CACNA1H: variants seen among roughly 807,000 people sequenced by gnomAD.
CACNA1H encodes voltage-dependent T-type calcium channel subunit alpha-1H.
CACNA1H carries 149 observed loss-of-function variants against 192.5 expected under a neutral mutation model. The ratio of observed to expected loss-of-function variants is 0.77; its 90% CI spans 0.68 to 0.89. CACNA1H has a LOEUF of 0.89. Among genes scored for constraint, CACNA1H ranks in the 40% least tolerant of loss-of-function variants. The pLI is 0.00. For missense variants in CACNA1H, 4,257 were observed against 3,423.5 expected (o/e 1.24, Z -6.08); for synonymous variants, 2,202 against 1,475.2 (o/e 1.49, Z -11.29).
chr16:1,193,653 C>T (rs181139062), intron 2 of CACNA1H, among the ~76,000 whole-genome samples: 66 of 152,318 alleles, frequency 4.3e-4, no homozygotes, highest in African/African-American at 5.8e-4. Context: ...ACAGCAGAGG[C>T]GCCTGTTACC....
chr16:1,209,943 TG>T, intron 17 of CACNA1H, 91 bp from the exon 18 acceptor site: 1 of 917,382 alleles, frequency 1.1e-6, no homozygotes, highest in Non-Finnish European at 1.7e-6. Flanking sequence ...GAGAAGGTGC[TG>T]GGAGGGGTGG....
At chr16:1,195,360 GC>G in intron 3 of CACNA1H, 71 bp from the exon 4 acceptor site, 1 of 1,538,614 alleles carries the variant, frequency 6.5e-7, no homozygotes. Flanking sequence ...CCGGGCTCTT[GC>G]GGGGCTGGGG....
chr16:1,153,935 G>A lies in CACNA1H; in HGVS notation c.198G>A (p.Glu66=), dbSNP rs1961918055. 2.7e-6 allele frequency: 4 copies of A among 1,456,512 alleles called. No homozygotes were observed. The highest frequency in any genetic ancestry group is 1.5e-5 in the African/African-American group (1 of 67,904). The allele number at this position is 1,456,512 out of a possible 1,614,324, so 90.2% of individuals were successfully genotyped here. Residue 66 remains glutamate, a synonymous_variant, in exon 2 of 35, where the codon GAG becomes GAA. Transcript: ENST00000348261. ...AERGAELGAD[E]EQRVPYPALA... The stretch of plus-strand genomic sequence containing the variant: ...GCGGCGCGGAGCTGGGTGCCGACGA[G>A]GAGCAGCGCGTCCCGTACCCGGCCT...
At position 1,167,914 on chromosome 16, in the gene CACNA1H, G is replaced by A. The variant is rs984126729; in HGVS notation, c.299+13878G>A. ...CTCAGTAAGCACTCGCCCCACCAGT[G>A]CGTGGAGCACGTGGGGCCTCAGGAG... On this transcript the variant is annotated intron_variant, in intron 2 of 34. Transcript: ENST00000348261. The surrounding 1 kb of genome is among the most constrained non-coding windows in gnomAD (Gnocchi z 4.2). 6.6e-6 allele frequency among the ~76,000 whole-genome samples: 1 copy of A among 152,226 alleles called. No individual in the cohort carries two copies. The highest frequency in any genetic ancestry group is 2.4e-5 in the African/African-American group (1 of 41,462).
chr16:1,181,171 G>C (rs199662130), intron 2 of CACNA1H, among the ~76,000 whole-genome samples: 1 of 152,248 alleles, frequency 6.6e-6, no homozygotes, highest in Non-Finnish European at 1.5e-5. Flanking sequence ...CCTCCTGGCT[G>C]GGTTTCTGCT....
Position 1,203,946 on chromosome 16 carries a change from G to A in CACNA1H, c.2003-64G>A, listed in dbSNP as rs536015309. ...CACCCCACCGCTCCTGTGTGTGAGG[G>A]TTCCCGGGCCCTTGTGGCAGCACCA... On this transcript the variant is annotated intron_variant, in intron 9 of 34. Coordinates refer to ENST00000348261, the MANE Select transcript of CACNA1H (RefSeq NM_021098.3). The A allele has an allele frequency of 7.1e-6, 9 of 1,276,444 alleles. No individual in the cohort carries two copies. In the African/African-American group the frequency reaches 1.2e-4, roughly 17 times the overall value. The allele number at this position is 1,276,444 out of a possible 1,614,324, so 79.1% of individuals were successfully genotyped here. A position where few individuals can be genotyped will look rare whatever the true frequency, so the allele number is the denominator to read the frequency against.
At chr16:1,202,504 G>C in intron 9 of CACNA1H, 52 bp downstream of exon 9, 1 of 1,419,448 alleles carries the variant, frequency 7.0e-7, no homozygotes, top group Non-Finnish European at 9.3e-7. Flanking sequence ...TAGGCAGGGC[G>C]GGCAGGGTCT....
chr16:1,164,898 C>G (rs1014237129), intron 2 of CACNA1H, among the ~76,000 whole-genome samples: 1 of 152,078 alleles, frequency 6.6e-6, no homozygotes, highest in African/African-American at 2.4e-5. Context: ...GGGGGTGGGT[C>G]GAGTCGCCCC....
At chr16:1,197,400 C>G (rs780863438) in intron 5 of CACNA1H, among the ~76,000 whole-genome samples, 1 of 152,212 alleles carries the variant, frequency 6.6e-6, no homozygotes, top group Admixed American at 6.5e-5. Flanking sequence ...ACACACAGCC[C>G]CTTCCTTCCA....
At position 1,209,389 on chromosome 16, in the gene CACNA1H, G is replaced by A. The variant is rs201993286; in HGVS notation, c.3721G>A (p.Glu1241Lys). 2.6e-5 allele frequency: 41 copies of A among 1,597,876 alleles called. No individual in the cohort carries two copies. Among genetic ancestry groups the A allele is most frequent in the Admixed American group, 8.3e-5 (5 of 60,000 alleles). The change falls in exon 17 of 35, where the codon GAG becomes AAG. Residue 1241 changes from glutamate (E) to lysine (K), a missense_variant. Physicochemically the swap from Glu to Lys is moderately conservative, Grantham distance 56. Transcript: ENST00000348261. ...RIDSHREDAA[E>K]LDDDSEDSCC... is the part of the protein sequence containing the mutation. ...CGACAGCCACCGTGAGGATGCAGCC[G>A]AGCTTGACGACGACTCGGAGGACGT...
chr16:1,198,542 C>T (rs1050078614), intron 5 of CACNA1H, 73 bp from the exon 6 acceptor site: 1 of 1,552,452 alleles, frequency 6.4e-7, no homozygotes, highest in East Asian at 2.2e-5. Flanking sequence ...CTCGGGGGTC[C>T]CGGGAGGGGC....
chr16:1,155,506 C>G (rs1962223441), intron 2 of CACNA1H, among the ~76,000 whole-genome samples: 1 of 152,162 alleles, frequency 6.6e-6, no homozygotes, highest in East Asian at 1.9e-4. Context: ...CTGGAAGGGA[C>G]TGCATGGGTT....
At chr16:1,215,417 G>T (rs1181769272) in intron 29 of CACNA1H, 42 bp downstream of exon 29, 1 of 1,592,678 alleles carries the variant, frequency 6.3e-7, no homozygotes, top group African/African-American at 1.3e-5. Context: ...TGCGGGTGGA[G>T]GGTGGGGGCT....
chr16:1,162,024 C>T (rs191742948), intron 2 of CACNA1H, among the ~76,000 whole-genome samples: 40 of 152,272 alleles, frequency 2.6e-4, no homozygotes, highest in Non-Finnish European at 5.1e-4. Context: ...GGTCCCTGCT[C>T]CGGACCCTGT....
intron 17 of CACNA1H, among the ~76,000 whole-genome samples, chr16:1,209,717 C>T (rs2044399746): frequency 6.6e-6 from 1 of 152,110 alleles, no homozygotes; most frequent in African/African-American, 2.4e-5. Flanking sequence ...CGAGGCAGGG[C>T]CAGGCATCCG....
chr16:1,198,696 T>C lies in CACNA1H; in HGVS notation c.725T>C (p.Phe242Ser). 1 of 1,613,452 alleles carries C rather than the reference T, an allele frequency of 6.2e-7. No individual in the cohort carries two copies. Among genetic ancestry groups the C allele is most frequent in the South Asian group, 1.1e-5 (1 of 91,088 alleles). Reference sequence around the variant, plus strand: ...CTTCTGCTGTGCTTCTTCGTCTTCTTCATTTTCGGCATCGTTGGCGTCCAG... The same window carrying C: ...CTTCTGCTGTGCTTCTTCGTCTTCTCCATTTTCGGCATCGTTGGCGTCCAG... The part of the protein sequence containing the change: ...NVLLLCFFVF[F>S]IFGIVGVQLW... Residue 242 changes from phenylalanine (F) to serine (S), a missense_variant, in exon 6 of 35, where the codon TTC becomes TCC. Transcript: ENST00000348261.
chr16:1,179,312 G>C (rs1348644781), intron 2 of CACNA1H, among the ~76,000 whole-genome samples: 1 of 152,232 alleles, frequency 6.6e-6, no homozygotes, highest in Non-Finnish European at 1.5e-5. Flanking sequence ...TCAGTCACCA[G>C]GCTGTGGTGG....
rs72552049 is a variant in CACNA1H, at chr16:1,217,861, T to C, written c.5324-58T>C. 3.4e-5 allele frequency: 52 copies of C among 1,527,542 alleles called. No homozygotes were observed. In the East Asian group the frequency reaches 1.2e-3, roughly 34 times the overall value. The allele number at this position is 1,527,542 out of a possible 1,614,324, so 94.6% of individuals were successfully genotyped here. On this transcript the variant is annotated intron_variant, in intron 31 of 34. Coordinates refer to ENST00000348261, the MANE Select transcript of CACNA1H (RefSeq NM_021098.3). ...AAGGGGCATGTGGAGGCTGGGTGCA[T>C]GTCCCGCCTCCACCCGGAGCGGGCT...
chr16:1,174,545 AC>A (rs1964676938), intron 2 of CACNA1H, among the ~76,000 whole-genome samples: 1 of 152,010 alleles, frequency 6.6e-6, no homozygotes, highest in East Asian at 1.9e-4. Flanking sequence ...GGATGGGGTC[AC>A]TGTAGCTCTC....
Sources: gnomAD v4.1 joint callset for allele counts (sites outside exome capture counted in the v4.1 genomes callset) on GRCh38, gnomAD v4.1.1 for gene constraint, Gnocchi (gnomAD v3.1) non-coding constraint, MANE v1.5 for transcripts, NCBI Gene and HGNC (gene_info 2026-07-23, HGNC 2026-07-21) for gene names.